PACSIN2: variants seen among roughly 807,000 people sequenced by gnomAD.
PACSIN2 encodes the protein protein kinase C and casein kinase substrate in neurons 2.
In PACSIN2, 25 loss-of-function variants were observed where a neutral mutation model predicts 63.8. That is an observed-to-expected ratio of 0.39 (90% CI 0.29 to 0.55). PACSIN2 has a LOEUF of 0.55. Among genes scored for constraint, PACSIN2 ranks in the 20% least tolerant of loss-of-function variants. The pLI is 0.62. For missense variants in PACSIN2, 518 were observed against 646.9 expected, an observed-to-expected ratio of 0.80 and a Z score of 2.16; for synonymous variants, 255 against 256.2, an observed-to-expected ratio of 1.00 and a Z score of 0.05.
intron 10 of PACSIN2, among the ~76,000 whole-genome samples, chr22:42,872,204 CAAG>C (rs1348437740): frequency 1.3e-5 from 2 of 152,346 alleles, no homozygotes; most frequent in East Asian, 3.9e-4. Flanking sequence ...ATCCTGGTCT[CAAG>C]GAGGCAGACT....
At position 42,999,112 on chromosome 22, in the gene PACSIN2, G is replaced by A. The variant is rs540741334; in HGVS notation, c.-78+15909C>T. 1.0e-3 allele frequency among the ~76,000 whole-genome samples: 152 copies of A among 152,294 alleles called. 1 individual carries two copies. Among genetic ancestry groups the A allele is most frequent in the Admixed American group, 1.6e-3 (25 of 15,306 alleles). ...AGGCTGTCACACTGACTCTTAAGCC[G>A]TTTAACACTTAAGCCGTCCTCAGAC... is the stretch of plus-strand genomic sequence containing the variant. On this transcript the variant is annotated intron_variant, in intron 1 of 10. Transcript: ENST00000263246.
intron 1 of PACSIN2, among the ~76,000 whole-genome samples, chr22:42,923,995 T>C (rs539674495): frequency 1.2e-3 from 188 of 152,064 alleles, no homozygotes; most frequent in African/African-American, 4.4e-3. Context: ...TGAGTTACGA[T>C]TGTGCCACTG....
intron 2 of PACSIN2, among the ~76,000 whole-genome samples, chr22:42,907,950 T>A (rs1026701314): frequency 6.6e-6 from 1 of 152,226 alleles, no homozygotes; most frequent in African/African-American, 2.4e-5. Flanking sequence ...CCAGCCCGAC[T>A]CAGAGCAAGT....
chr22:42,873,090 T>C (rs1471605961), intron 10 of PACSIN2, among the ~76,000 whole-genome samples: 2 of 152,214 alleles, frequency 1.3e-5, no homozygotes, highest in Non-Finnish European at 2.9e-5. Flanking sequence ...TAATTTTGCA[T>C]TGTTAAAAAG....
chr22:42,896,207 A>G (rs1056307066), intron 2 of PACSIN2, among the ~76,000 whole-genome samples: 6 of 152,116 alleles, frequency 3.9e-5, no homozygotes, highest in African/African-American at 1.4e-4. Context: ...GCAACCACAG[A>G]CATGATTTTT....
chr22:42,978,794 C>G (rs538156705), intron 1 of PACSIN2, among the ~76,000 whole-genome samples: 2 of 152,230 alleles, frequency 1.3e-5, no homozygotes, highest in East Asian at 3.9e-4. Flanking sequence ...AAAGCATTTC[C>G]AAAAAGGCTG....
intron 1 of PACSIN2, among the ~76,000 whole-genome samples, chr22:42,957,388 C>T (rs73886191): frequency 0.026 from 3,897 of 151,600 alleles, 164 homozygotes; most frequent in African/African-American, 0.09. Context: ...TTAGAAAATA[C>T]AAATAAGCGC....
intron 1 of PACSIN2, among the ~76,000 whole-genome samples, chr22:42,965,431 C>T (rs569747102): frequency 1.2e-4 from 18 of 151,810 alleles, no homozygotes; most frequent in African/African-American, 1.7e-4. Context: ...AGGAAGAAGG[C>T]GGGAGAAGGA....
At chr22:43,004,543 G>A (rs1314608880) in intron 1 of PACSIN2, among the ~76,000 whole-genome samples, 8 of 152,306 alleles carry the variant, frequency 5.3e-5, no homozygotes, top group East Asian at 1.9e-4. Context: ...GGGCTTGGAC[G>A]TCTGTACAGG....
At chr22:42,975,653 C>CT (rs1921651920) in intron 1 of PACSIN2, among the ~76,000 whole-genome samples, 1 of 110,448 alleles carries the variant, frequency 9.1e-6, no homozygotes, top group Admixed American at 9.6e-5. Context: ...TGTCAATATT[C>CT]TTTAAAAAAA....
chr22:42,936,836 G>A (rs551085213), intron 1 of PACSIN2, among the ~76,000 whole-genome samples: 6 of 148,376 alleles, frequency 4.0e-5, no homozygotes, highest in African/African-American at 9.9e-5. Flanking sequence ...ACCTGAACCC[G>A]CGAGACGGAG....
intron 1 of PACSIN2, among the ~76,000 whole-genome samples, chr22:42,979,598 C>T (rs546337487): frequency 6.7e-6 from 1 of 148,474 alleles, no homozygotes; most frequent in African/African-American, 2.5e-5. Context: ...TAAAAACAGT[C>T]AAAAAACAAA....
intron 1 of PACSIN2, chr22:42,947,120 G>A (rs1281042586): frequency 6.6e-6 from 1 of 152,274 alleles, no homozygotes; most frequent in Non-Finnish European, 1.5e-5. Flanking sequence ...AGGCCCAGAT[G>A]AGACAGAAAG....
At chr22:42,902,088 GC>G (rs1382389806) in intron 2 of PACSIN2, among the ~76,000 whole-genome samples, 2 of 152,246 alleles carry the variant, frequency 1.3e-5, no homozygotes, top group African/African-American at 4.8e-5. Context: ...GGGCCACGAG[GC>G]CCTAGGGATA....
At position 42,934,656 on chromosome 22, in the gene PACSIN2, C is replaced by T. The variant is rs183272676; in HGVS notation, c.-77-22499G>A. Among the ~76,000 whole-genome samples, 97 of 152,304 alleles carry T rather than the reference C, an allele frequency of 6.4e-4. 1 individual carries two copies. Among genetic ancestry groups the T allele is most frequent in the Non-Finnish European group, 5.9e-5 (4 of 68,020 alleles). ...TTTGAGTGTCATCTCCTCCAAGAAG[C>T]CCCCCACCGTTCTAGTGACCCTTTG... On this transcript the variant is annotated intron_variant, in intron 1 of 10. Coordinates refer to ENST00000263246, the MANE Select transcript of PACSIN2 (RefSeq NM_001184970.3).
intron 4 of PACSIN2, among the ~76,000 whole-genome samples, chr22:42,890,221 C>A (rs959175201): frequency 6.6e-6 from 1 of 151,990 alleles, no homozygotes; most frequent in African/African-American, 2.4e-5. Context: ...AGGATGGTCT[C>A]AATCTCCTGA....
At chr22:42,912,622 C>G (rs1267189465) in intron 1 of PACSIN2, among the ~76,000 whole-genome samples, 2 of 152,254 alleles carry the variant, frequency 1.3e-5, no homozygotes, top group African/African-American at 4.8e-5. Flanking sequence ...CTGACACTGT[C>G]TGTGTGTGGC....
At chr22:42,898,232 T>G (rs1375344285) in intron 2 of PACSIN2, among the ~76,000 whole-genome samples, 1 of 151,684 alleles carries the variant, frequency 6.6e-6, no homozygotes, top group Non-Finnish European at 1.5e-5. Flanking sequence ...ACCCCTGCCT[T>G]CTCCAGGCTG....
intron 1 of PACSIN2, among the ~76,000 whole-genome samples, chr22:42,969,031 TTATC>T (rs972466979): frequency 9.3e-6 from 1 of 107,268 alleles, no homozygotes; most frequent in Non-Finnish European, 1.8e-5. Flanking sequence ...AAACTGCTTC[TTATC>T]TATCTATCTC....
Sources: allele counts gnomAD v4.1 joint callset (sites outside exome capture counted in the v4.1 genomes callset), GRCh38; gene constraint gnomAD v4.1.1; transcripts MANE v1.5; gene names NCBI Gene and HGNC (gene_info 2026-07-23, HGNC 2026-07-21).